Variants in RABGAP1 observed in about 807,000 individuals in gnomAD.
RABGAP1 encodes rab GTPase-activating protein 1.
A neutral mutation model predicts 137.6 loss-of-function variants in RABGAP1; 23 were observed. The ratio of observed to expected loss-of-function variants is 0.17; its 90% CI spans 0.12 to 0.24. The LOEUF (loss-of-function observed/expected upper bound fraction) is 0.24. RABGAP1 is among the 10% of genes least tolerant of loss of function. The pLI is 1.00. For missense variants in RABGAP1, 906 were observed against 1,275.8 expected, an observed-to-expected ratio of 0.71 and a Z score of 4.42; for synonymous variants, 451 against 450.7, an observed-to-expected ratio of 1.00 and a Z score of -0.01.
chr9:123,058,295 A>C (rs1374270164), intron 13 of RABGAP1, among the ~76,000 whole-genome samples: 3 of 152,182 alleles, frequency 2.0e-5, no homozygotes. Context: ...ATGGCCAAAT[A>C]ATATGAAAAG....
At chr9:123,029,629 TC>T in intron 13 of RABGAP1, 3 of 727,962 alleles carry the variant, frequency 4.1e-6, no homozygotes, top group Non-Finnish European at 2.6e-6. Context: ...ATTGAGCTTG[TC>T]CCTAACTTTG....
intron 13 of RABGAP1, chr9:123,035,552 A>G (rs1296260984): frequency 6.2e-7 from 1 of 1,613,494 alleles, no homozygotes; most frequent in East Asian, 2.2e-5. Flanking sequence ...TGTGCAAGTC[A>G]GACTACAGCC....
chr9:123,045,670 A>G (rs1165674212), intron 13 of RABGAP1, among the ~76,000 whole-genome samples: 2 of 152,188 alleles, frequency 1.3e-5, no homozygotes, highest in East Asian at 3.9e-4. Context: ...GATCAGTTGC[A>G]TATTATGTTA....
At chr9:122,957,369 A>T (rs886397290) in intron 2 of RABGAP1, among the ~76,000 whole-genome samples, 160 bp downstream of exon 2, 1 of 152,204 alleles carries the variant, frequency 6.6e-6, no homozygotes, top group African/African-American at 2.4e-5. Flanking sequence ...AGAAGTTTGT[A>T]TTTGATTAAA....
At chr9:123,045,503 G>T (rs1426318544) in intron 13 of RABGAP1, among the ~76,000 whole-genome samples, 1 of 152,062 alleles carries the variant, frequency 6.6e-6, no homozygotes, top group Non-Finnish European at 1.5e-5. Flanking sequence ...TAATACTGAG[G>T]ATGTGTATTG....
intron 2 of RABGAP1, among the ~76,000 whole-genome samples, chr9:122,964,575 A>G (rs975816814): frequency 6.6e-6 from 1 of 152,228 alleles, no homozygotes; most frequent in Non-Finnish European, 1.5e-5. Context: ...GAACATTTCA[A>G]CCTGATAAAG....
chr9:123,049,680 T>C (rs978551517), intron 13 of RABGAP1, among the ~76,000 whole-genome samples: 1 of 152,246 alleles, frequency 6.6e-6, no homozygotes, highest in Non-Finnish European at 1.5e-5. Flanking sequence ...AACTGTATAC[T>C]GTCTAATTGC....
upstream of RABGAP1, among the ~76,000 whole-genome samples, chr9:122,937,240 A>C (rs1225157688): frequency 6.6e-6 from 1 of 152,362 alleles, no homozygotes; most frequent in African/African-American, 2.4e-5. Context: ...TTCCCACAGA[A>C]GCCAAGATAG....
intron 2 of RABGAP1, among the ~76,000 whole-genome samples, chr9:122,967,893 A>AT (rs996272882): frequency 1.3e-5 from 2 of 151,798 alleles, no homozygotes; most frequent in Non-Finnish European, 2.9e-5. Flanking sequence ...CACTTGGCCA[A>AT]TTTTTTGTAT....
At chr9:122,969,950 G>A (rs536188779) in intron 2 of RABGAP1, among the ~76,000 whole-genome samples, 1 of 152,252 alleles carries the variant, frequency 6.6e-6, no homozygotes, top group South Asian at 2.1e-4. Flanking sequence ...AGGCTGGAGT[G>A]GAGTGGCATG....
chr9:123,057,540 C>G (rs1327428524), intron 13 of RABGAP1, among the ~76,000 whole-genome samples: 2 of 151,260 alleles, frequency 1.3e-5, no homozygotes, highest in Admixed American at 6.6e-5. Context: ...GGGATGGCGG[C>G]CGGGCAGAGA....
At chr9:122,996,275 G>T in intron 7 of RABGAP1, 124 bp downstream of exon 7, 1 of 1,410,818 alleles carries the variant, frequency 7.1e-7, no homozygotes, top group South Asian at 1.6e-5. Context: ...AAATTATTTT[G>T]TTTACTGAAG....
At chr9:123,053,646 G>A (rs1417737007) in intron 13 of RABGAP1, among the ~76,000 whole-genome samples, 2 of 152,126 alleles carry the variant, frequency 1.3e-5, no homozygotes, top group Non-Finnish European at 2.9e-5. Flanking sequence ...GTGGGTTTTG[G>A]TGGTGTTTTT....
chr9:123,027,319 T>C (rs1212249561), intron 13 of RABGAP1, among the ~76,000 whole-genome samples: 1 of 152,200 alleles, frequency 6.6e-6, no homozygotes, highest in Non-Finnish European at 1.5e-5. Flanking sequence ...TTTCACCATG[T>C]TGGCCAGGAT....
chr9:122,948,207 GC>G (rs1564350587), intron 1 of RABGAP1, among the ~76,000 whole-genome samples: 2 of 152,086 alleles, frequency 1.3e-5, no homozygotes, highest in Non-Finnish European at 2.9e-5. Context: ...TTCTTTTGTT[GC>G]ATCCTGTCTT....
intron 1 of RABGAP1, among the ~76,000 whole-genome samples, chr9:122,941,558 C>T (rs1833569037): frequency 6.6e-6 from 1 of 152,238 alleles, no homozygotes; most frequent in Non-Finnish European, 1.5e-5. Flanking sequence ...CTGTCCTGGG[C>T]TGCGCCTAAA....
chr9:122,979,992 G>A (rs1588206586), intron 2 of RABGAP1, among the ~76,000 whole-genome samples: 3 of 152,292 alleles, frequency 2.0e-5, no homozygotes. Flanking sequence ...TTGCTAGTTG[G>A]TTTAACTTGT....
chr9:123,061,462 G>A (rs886293290), intron 13 of RABGAP1, among the ~76,000 whole-genome samples: 7 of 152,192 alleles, frequency 4.6e-5, no homozygotes, highest in Non-Finnish European at 8.8e-5. Flanking sequence ...AGCAGTGCTT[G>A]TTTATTTACA....
At chr9:123,093,875 A>C (rs2035102814) in intron 21 of RABGAP1, among the ~76,000 whole-genome samples, 1 of 152,220 alleles carries the variant, frequency 6.6e-6, no homozygotes, top group Non-Finnish European at 1.5e-5. Flanking sequence ...GGGAGAACTG[A>C]CATCTGAACA....
Sources: allele counts gnomAD v4.1 joint callset (sites outside exome capture counted in the v4.1 genomes callset), GRCh38; gene constraint gnomAD v4.1.1; transcripts MANE v1.5; gene names NCBI Gene and HGNC (gene_info 2026-07-23, HGNC 2026-07-21).